The following SLC10A7 variants were observed in gnomAD, a reference collection of about 807,000 sequenced individuals.
SLC10A7 encodes the protein sodium/bile acid cotransporter 7.
A neutral mutation model predicts 43.2 loss-of-function variants in SLC10A7; 29 were observed. That is an observed-to-expected ratio of 0.67 (90% CI 0.50 to 0.92). The LOEUF is 0.92. SLC10A7 is among the 40% of genes least tolerant of loss of function. The pLI, the probability that SLC10A7 is intolerant of heterozygous loss-of-function variation, is 0.00. For synonymous variants in SLC10A7, 152 were observed against 144.8 expected, an observed-to-expected ratio of 1.05 and a Z score of -0.35; for missense variants, 295 against 403.2, an observed-to-expected ratio of 0.73 and a Z score of 2.30.
At chr4:146,332,424 C>T (rs1023473747) in intron 5 of SLC10A7, among the ~76,000 whole-genome samples, 2 of 152,128 alleles carry the variant, frequency 1.3e-5, no homozygotes, top group Non-Finnish European at 2.9e-5. Flanking sequence ...GATTGGATCA[C>T]GGGGGTGGAT....
At chr4:146,418,933 A>T (rs749499465) in intron 5 of SLC10A7, among the ~76,000 whole-genome samples, 1 of 152,234 alleles carries the variant, frequency 6.6e-6, no homozygotes, top group Non-Finnish European at 1.5e-5. Context: ...GCTAAAGCTC[A>T]CAAAAATCAG....
At chr4:146,295,459 C>T (rs771386721) in intron 7 of SLC10A7, among the ~76,000 whole-genome samples, 1 of 151,984 alleles carries the variant, frequency 6.6e-6, no homozygotes, top group Non-Finnish European at 1.5e-5. Context: ...TAGAAGTGAT[C>T]CCAAACCATA....
intron 5 of SLC10A7, among the ~76,000 whole-genome samples, chr4:146,359,453 G>A (rs1735891544): frequency 6.6e-6 from 1 of 151,836 alleles, no homozygotes; most frequent in African/African-American, 2.4e-5. Context: ...GTTCACCTAT[G>A]TTTTTTTCTA....
intron 5 of SLC10A7, among the ~76,000 whole-genome samples, chr4:146,420,729 TAAG>T (rs1443620554): frequency 6.6e-6 from 1 of 152,046 alleles, no homozygotes; most frequent in Non-Finnish European, 1.5e-5. Context: ...GGGGGCTAGA[TAAG>T]AAGTTTCAAC....
intron 5 of SLC10A7, among the ~76,000 whole-genome samples, chr4:146,373,815 T>A (rs1320284726): frequency 6.6e-6 from 1 of 152,150 alleles, no homozygotes; most frequent in East Asian, 1.9e-4. Flanking sequence ...TATTTTAATA[T>A]ACAACCAAGG....
chr4:146,443,790 G>A (rs1215667649), intron 4 of SLC10A7, among the ~76,000 whole-genome samples: 1 of 152,218 alleles, frequency 6.6e-6, no homozygotes, highest in Non-Finnish European at 1.5e-5. Flanking sequence ...TGCAATGAGA[G>A]TGAATGGGTA....
intron 4 of SLC10A7, 34 bp downstream of exon 4, chr4:146,503,815 A>G (rs368019645): frequency 1.6e-4 from 254 of 1,580,244 alleles, no homozygotes; most frequent in Middle Eastern, 1.0e-3. Context: ...CACAGCATGC[A>G]CTTATGTTTA....
At chr4:146,298,011 A>G (rs1730901121) in intron 7 of SLC10A7, among the ~76,000 whole-genome samples, 1 of 152,194 alleles carries the variant, frequency 6.6e-6, no homozygotes, top group South Asian at 2.1e-4. Flanking sequence ...GAGGTGGCTG[A>G]GTAGGACTAC....
intron 4 of SLC10A7, among the ~76,000 whole-genome samples, chr4:146,482,017 A>G (rs1734518114): frequency 1.3e-5 from 2 of 152,206 alleles, no homozygotes; most frequent in Non-Finnish European, 2.9e-5. Context: ...GATCACAACT[A>G]AAGAAGCTGT....
chr4:146,356,181 T>G (rs1735613369), intron 5 of SLC10A7, among the ~76,000 whole-genome samples: 1 of 151,756 alleles, frequency 6.6e-6, no homozygotes, highest in Non-Finnish European at 1.5e-5. Flanking sequence ...ATTTTGTAAA[T>G]TCAGGGAGAA....
intron 5 of SLC10A7, among the ~76,000 whole-genome samples, chr4:146,335,956 C>T (rs926185290): frequency 1.1e-4 from 17 of 152,078 alleles, no homozygotes; most frequent in African/African-American, 4.1e-4. Flanking sequence ...CACCTGGAAG[C>T]TTGTGAGAAC....
At chr4:146,431,878 C>G (rs115756403) in intron 5 of SLC10A7, among the ~76,000 whole-genome samples, 1 of 152,068 alleles carries the variant, frequency 6.6e-6, no homozygotes, top group Admixed American at 6.5e-5. Context: ...ACAAAAATCA[C>G]TTACATAATA....
intron 4 of SLC10A7, among the ~76,000 whole-genome samples, chr4:146,498,242 C>T (rs1339420270): frequency 6.6e-6 from 1 of 151,302 alleles, no homozygotes; most frequent in Non-Finnish European, 1.5e-5. Flanking sequence ...CTTAGCCTCC[C>T]GAGTAGCTGG....
intron 9 of SLC10A7, among the ~76,000 whole-genome samples, chr4:146,288,160 G>T (rs1268006773): frequency 6.6e-6 from 1 of 152,138 alleles, no homozygotes; most frequent in Non-Finnish European, 1.5e-5. Flanking sequence ...GAACCTTAAG[G>T]CATAAAAAGG....
At chr4:146,457,317 G>A (rs1732148568) in intron 4 of SLC10A7, among the ~76,000 whole-genome samples, 1 of 151,860 alleles carries the variant, frequency 6.6e-6, no homozygotes, top group Admixed American at 6.6e-5. Context: ...AGCATACAAT[G>A]TGTAATAATC....
chr4:146,476,403 A>AACT (rs746037451), intron 4 of SLC10A7, among the ~76,000 whole-genome samples: 11 of 152,220 alleles, frequency 7.2e-5, no homozygotes, highest in Non-Finnish European at 1.5e-4. Flanking sequence ...GTAAGTGGTC[A>AACT]GCAGTATTGA....
intron 5 of SLC10A7, among the ~76,000 whole-genome samples, chr4:146,380,354 T>A (rs1470110575): frequency 2.0e-5 from 3 of 152,148 alleles, no homozygotes; most frequent in African/African-American, 7.2e-5. Flanking sequence ...CTTGTGATAT[T>A]ATATTAATTG....
intron 5 of SLC10A7, among the ~76,000 whole-genome samples, chr4:146,428,544 T>C (rs190432696): frequency 2.0e-5 from 3 of 146,952 alleles, no homozygotes; most frequent in African/African-American, 7.5e-5. Context: ...ATTCTCACCT[T>C]GGCTCTTTTT....
intron 4 of SLC10A7, among the ~76,000 whole-genome samples, chr4:146,445,488 A>G (rs1359436843): frequency 6.6e-6 from 1 of 152,170 alleles, no homozygotes; most frequent in Non-Finnish European, 1.5e-5. Context: ...TCTGCCATCC[A>G]GGAGGGGGTG....
Sources: allele counts gnomAD v4.1 joint callset (sites outside exome capture counted in the v4.1 genomes callset), GRCh38; gene constraint gnomAD v4.1.1; transcripts MANE v1.5; gene names NCBI Gene and HGNC (gene_info 2026-07-23, HGNC 2026-07-21).